Variants in USP24 observed in about 807,000 individuals in gnomAD.
USP24 encodes the protein ubiquitin specific peptidase 24.
A neutral mutation model predicts 361.6 loss-of-function variants in USP24; 97 were observed. The observed-to-expected ratio is 0.27, with a 90% CI of 0.23 to 0.32. The LOEUF (loss-of-function observed/expected upper bound fraction) is 0.32, where lower values mean the gene tolerates loss of function less well. Among genes scored for constraint, USP24 ranks in the 10% least tolerant of loss-of-function variants. The pLI, the probability that USP24 is intolerant of heterozygous loss-of-function variation, is 1.00. For synonymous variants in USP24, 1,098 were observed against 1,124.6 expected (o/e 0.98, Z 0.47); for missense variants, 2,353 against 3,165.6 (o/e 0.74, Z 6.16).
At chr1:55,150,269 C>CA (rs1272066560) in intron 16 of USP24, among the ~76,000 whole-genome samples, 3 of 151,966 alleles carry the variant, frequency 2.0e-5, no homozygotes, top group Admixed American at 2.0e-4. Flanking sequence ...CATAATTGTT[C>CA]AAAAAAAGGC....
intron 1 of USP24, among the ~76,000 whole-genome samples, chr1:55,187,459 G>T (rs1372537271): frequency 1.3e-5 from 2 of 152,014 alleles, no homozygotes; most frequent in Non-Finnish European, 2.9e-5. Flanking sequence ...ATTAGGCAAA[G>T]AAAAAATAAA....
intron 3 of USP24, among the ~76,000 whole-genome samples, chr1:55,174,653 C>T (rs533008052): frequency 2.0e-5 from 3 of 152,332 alleles, no homozygotes; most frequent in South Asian, 2.1e-4. Context: ...ACTGGATACA[C>T]GGATTTCTGG....
chr1:55,157,455 C>T, intron 10 of USP24, 85 bp from the exon 11 acceptor site: 1 of 764,516 alleles, frequency 1.3e-6, no homozygotes, highest in Non-Finnish European at 2.0e-6. Flanking sequence ...TACAATGTTA[C>T]AATGTGCTTC....
intron 38 of USP24, among the ~76,000 whole-genome samples, chr1:55,115,877 T>C (rs1646099344): frequency 6.6e-6 from 1 of 152,180 alleles, no homozygotes; most frequent in African/African-American, 2.4e-5. Flanking sequence ...GGGACACAGA[T>C]GAAGCTGGAA....
chr1:55,176,457 A>G lies in USP24; in HGVS notation c.491-14T>C, dbSNP rs769822635. ...ACTCGGAAAGACCTTAGTAAAATGC[A>G]TGAAATAATATACTTTATTTAAGTC... On this transcript the variant is annotated splice_polypyrimidine_tract_variant and intron_variant, in intron 2 of 67. Coordinates refer to ENST00000294383, the MANE Select transcript of USP24 (RefSeq NM_015306.3). The G allele has an allele frequency of 1.9e-6, 3 of 1,555,808 alleles. No individual in the cohort carries two copies. Among genetic ancestry groups the G allele is most frequent in the South Asian group, 2.4e-5 (2 of 84,232 alleles).
intron 38 of USP24, among the ~76,000 whole-genome samples, chr1:55,114,940 T>C (rs893786061): frequency 6.6e-6 from 1 of 152,158 alleles, no homozygotes; most frequent in South Asian, 2.1e-4. Context: ...AAAGAAACTA[T>C]CATCAGAGTG....
intron 61 of USP24, 30 bp downstream of exon 61, chr1:55,078,508 T>C: frequency 1.3e-6 from 2 of 1,565,986 alleles, no homozygotes; most frequent in Non-Finnish European, 1.7e-6. Context: ...AAAGGCTATC[T>C]GGCTATCACT....
In USP24 at chr1:55,215,172, G is replaced by C; in HGVS notation, c.-59C>G. ...CGGCGAAGCTACGGGTCCCGGGCCT[G>C]GCGGGCCGCGCGGCGCACCCTCCGC... On this transcript the variant is annotated 5_prime_UTR_variant, in exon 1 of 68. Coordinates refer to ENST00000294383, the MANE Select transcript of USP24 (RefSeq NM_015306.3). 5.0e-6 allele frequency: 6 copies of C among 1,194,382 alleles called. No homozygotes were observed. The highest frequency in any genetic ancestry group is 6.2e-6 in the Non-Finnish European group (6 of 961,048). 74.0% of individuals were successfully genotyped at this position (1,194,382 alleles called of 1,614,324 possible).
rs373793676 is a variant in USP24, at chr1:55,201,123, TA to T, written c.324+13666del. Among the ~76,000 whole-genome samples the T allele has an allele frequency of 3.2e-3, 491 of 152,294 alleles. 2 individuals carry two copies. Among genetic ancestry groups the T allele is most frequent in the African/African-American group, 0.012 (481 of 41,562 alleles). On this transcript the variant is annotated intron_variant, in intron 1 of 67. Transcript: ENST00000294383. ...TTTATGCTATTTTCAAGCTATGGTG[TA>T]GGGTATTTTAGGCAAAAGTAGATTT...
At chr1:55,111,373 T>C (rs1645947034) in intron 38 of USP24, among the ~76,000 whole-genome samples, 1 of 152,118 alleles carries the variant, frequency 6.6e-6, no homozygotes, top group South Asian at 2.1e-4. Flanking sequence ...TTCGTAAAAC[T>C]TAGAGGAACT....
At chr1:55,082,399 A>G (rs1193266288) in intron 58 of USP24, among the ~76,000 whole-genome samples, 1 of 152,366 alleles carries the variant, frequency 6.6e-6, no homozygotes, top group East Asian at 1.9e-4. Context: ...AATAGTACTT[A>G]TTACCACTGC....
At chr1:55,193,146 A>G (rs547439203) in intron 1 of USP24, among the ~76,000 whole-genome samples, 1 of 152,376 alleles carries the variant, frequency 6.6e-6, no homozygotes, top group East Asian at 1.9e-4. Context: ...TATATACAGT[A>G]TAACAACTAC....
chr1:55,175,590 T>C (rs116729174), intron 3 of USP24, among the ~76,000 whole-genome samples: 1,948 of 152,252 alleles, frequency 0.013, 36 homozygotes, highest in African/African-American at 0.044. Flanking sequence ...TATTTACATA[T>C]TGGACAAAAA....
At chr1:55,083,683 C>T (rs1416706448) in intron 57 of USP24, 89 bp downstream of exon 57, 2 of 930,260 alleles carry the variant, frequency 2.1e-6, no homozygotes, top group Non-Finnish European at 3.2e-6. Flanking sequence ...AAAAAACATA[C>T]CATATAGAAC....
intron 3 of USP24, among the ~76,000 whole-genome samples, chr1:55,173,875 C>T (rs1029127818): frequency 1.3e-5 from 2 of 152,120 alleles, no homozygotes; most frequent in Non-Finnish European, 2.9e-5. Context: ...AATTAAGAAG[C>T]TTCAAGTGAC....
At chr1:55,170,146 T>A (rs1182030594) in intron 5 of USP24, among the ~76,000 whole-genome samples, 2 of 152,022 alleles carry the variant, frequency 1.3e-5, no homozygotes, top group Non-Finnish European at 2.9e-5. Flanking sequence ...AAATACTACA[T>A]CATGTTGCAT....
At chr1:55,074,975 A>G (rs1644996102) in intron 63 of USP24, among the ~76,000 whole-genome samples, 1 of 152,220 alleles carries the variant, frequency 6.6e-6, no homozygotes, top group Non-Finnish European at 1.5e-5. Flanking sequence ...AGGAAAGCCA[A>G]TTTAGCCTTC....
intron 3 of USP24, among the ~76,000 whole-genome samples, chr1:55,175,972 C>T (rs1649941431): frequency 6.6e-6 from 1 of 152,172 alleles, no homozygotes; most frequent in Admixed American, 6.5e-5. Context: ...GTCTCACACA[C>T]TTAAAATGGC....
At chr1:55,138,496 G>C in intron 26 of USP24, 112 bp downstream of exon 26, 1 of 702,388 alleles carries the variant, frequency 1.4e-6, no homozygotes, top group Non-Finnish European at 2.3e-6. Flanking sequence ...TTCTACATTT[G>C]TTTACCAAAC....
Sources: gnomAD v4.1 joint callset for allele counts (sites outside exome capture counted in the v4.1 genomes callset) on GRCh38, gnomAD v4.1.1 for gene constraint, MANE v1.5 for transcripts, NCBI Gene and HGNC (gene_info 2026-07-23, HGNC 2026-07-21) for gene names.